Variants in SPIDR observed in about 807,000 individuals in gnomAD.
SPIDR encodes DNA repair-scaffolding protein.
SPIDR carries 93 observed loss-of-function variants against 104.6 expected under a neutral mutation model. That is an observed-to-expected ratio of 0.89 (90% CI 0.75 to 1.06). The LOEUF is 1.06. Ranked by LOEUF, SPIDR falls within the 50% of genes least tolerant of loss-of-function variation. SPIDR has a pLI of 0.00. For synonymous variants in SPIDR, 431 were observed against 416.9 expected (o/e 1.03, Z -0.41); for missense variants, 1,154 against 1,111.2 (o/e 1.04, Z -0.55).
At chr8:47,293,033 T>G (rs2040209722) in intron 4 of SPIDR, among the ~76,000 whole-genome samples, 1 of 152,110 alleles carries the variant, frequency 6.6e-6, no homozygotes, top group Admixed American at 6.6e-5. Flanking sequence ...CCTGCCTGGC[T>G]TCCGTGACTA....
intron 10 of SPIDR, 196 bp from the exon 11 acceptor site, chr8:47,673,605 T>A: frequency 1.5e-6 from 1 of 687,970 alleles, no homozygotes; most frequent in Non-Finnish European, 2.4e-6. Context: ...TTTTTAATCC[T>A]GACTCACCCA....
intron 7 of SPIDR, among the ~76,000 whole-genome samples, chr8:47,423,454 T>C (rs2065904592): frequency 6.6e-6 from 1 of 151,386 alleles, no homozygotes; most frequent in South Asian, 2.1e-4. Context: ...ACAGAAAAAC[T>C]AGCCAGGTGT....
At chr8:47,268,408 T>C (rs2034539287) in intron 1 of SPIDR, among the ~76,000 whole-genome samples, 1 of 152,190 alleles carries the variant, frequency 6.6e-6, no homozygotes, top group South Asian at 2.1e-4. Flanking sequence ...ATAGACAAAT[T>C]GGAGAGTATT....
chr8:47,355,271 T>TAAAAAAAAA lies in SPIDR; in HGVS notation c.526-41092_526-41084dup, dbSNP rs34902790. Among the ~76,000 whole-genome samples, 187 of 116,530 alleles carry TAAAAAAAAA rather than the reference T, an allele frequency of 1.6e-3. 1 individual carries two copies. Among genetic ancestry groups the TAAAAAAAAA allele is most frequent in the African/African-American group, 6.0e-3 (182 of 30,178 alleles). The allele number at this position is 116,530 out of a possible 152,430, so 76.4% of individuals were successfully genotyped here. On this transcript the variant is annotated intron_variant, in intron 5 of 19. Transcript: ENST00000297423. Reference sequence around the variant, plus strand: ...ATGCCTGGCCGATGAAGGTTTTTTGTAAAAAAAAAAAAAAAAAAAAATACT... The same window carrying TAAAAAAAAA: ...ATGCCTGGCCGATGAAGGTTTTTTGTAAAAAAAAAAAAAAAAAAAAAAAAAAAAAATACT...
intron 10 of SPIDR, among the ~76,000 whole-genome samples, chr8:47,639,178 G>A (rs1448976682): frequency 6.6e-6 from 1 of 152,178 alleles, no homozygotes; most frequent in Non-Finnish European, 1.5e-5. Context: ...TTGGTGAAAT[G>A]ACACTAACAG....
chr8:47,469,847 A>C (rs899299594), intron 8 of SPIDR, among the ~76,000 whole-genome samples: 3 of 152,232 alleles, frequency 2.0e-5, no homozygotes, highest in Non-Finnish European at 4.4e-5. Flanking sequence ...AAACCTGTAC[A>C]TGTACCCCTG....
At chr8:47,422,693 G>T (rs1585441718) in intron 7 of SPIDR, among the ~76,000 whole-genome samples, 1 of 152,294 alleles carries the variant, frequency 6.6e-6, no homozygotes, top group Middle Eastern at 3.4e-3. Context: ...TATGTCTTTT[G>T]TGTCGCTCAC....
chr8:47,495,661 A>G (rs1317349025), intron 8 of SPIDR, among the ~76,000 whole-genome samples: 2 of 152,180 alleles, frequency 1.3e-5, no homozygotes, highest in Non-Finnish European at 2.9e-5. Context: ...CAAGACTTTC[A>G]TAGTTTTAGC....
At chr8:47,372,461 C>G (rs2058149196) in intron 5 of SPIDR, among the ~76,000 whole-genome samples, 1 of 151,580 alleles carries the variant, frequency 6.6e-6, no homozygotes, top group Non-Finnish European at 1.5e-5. Flanking sequence ...CCCATCTCTA[C>G]TAAAAATACA....
chr8:47,357,820 G>A (rs2054861548), intron 5 of SPIDR: 1 of 982,360 alleles, frequency 1.0e-6, no homozygotes, highest in Non-Finnish European at 1.2e-6. Flanking sequence ...AAGGAGAAAG[G>A]AAAGGAGATC....
chr8:47,393,926 C>CT (rs1433602484), intron 5 of SPIDR, among the ~76,000 whole-genome samples: 1 of 151,020 alleles, frequency 6.6e-6, no homozygotes, highest in Non-Finnish European at 1.5e-5. Flanking sequence ...CCCCTGCTTC[C>CT]TTTCTTCTCA....
intron 5 of SPIDR, among the ~76,000 whole-genome samples, chr8:47,308,165 G>A (rs1563555556): frequency 6.6e-6 from 1 of 151,628 alleles, no homozygotes; most frequent in South Asian, 2.1e-4. Context: ...GGGTTCAGCC[G>A]ATTCTCCTGC....
rs753245948 is a variant in SPIDR at position 47,701,784 on chromosome 8, C to A, written c.1837C>A (p.Gln613Lys). Residue 613 changes from glutamine to lysine, a missense_variant, in exon 13 of 20, where the codon CAA becomes AAA. By Grantham distance (53) the Gln-to-Lys change is moderately conservative. Transcript: ENST00000297423. ...CCTCACAGCTCATCCAAATCTGGGA[C>A]AAATTGATATAATTGACGAAGACCC... ...YILTAHPNLG[Q>K]IDIIDEDPIY... is the part of the protein sequence containing the mutation. The A allele has an allele frequency of 3.1e-6, 5 of 1,614,012 alleles. No homozygotes were observed. The Admixed American group carries it at 5.0e-5, about 16-fold the overall frequency.
chr8:47,487,571 C>T (rs1296418045), intron 8 of SPIDR, among the ~76,000 whole-genome samples: 4 of 152,192 alleles, frequency 2.6e-5, no homozygotes, highest in East Asian at 1.9e-4. Flanking sequence ...AGCACCACTT[C>T]GTACTTACTC....
At chr8:47,378,227 A>G (rs2058898878) in intron 5 of SPIDR, among the ~76,000 whole-genome samples, 3 of 152,212 alleles carry the variant, frequency 2.0e-5, no homozygotes, top group Admixed American at 1.3e-4. Context: ...GAGATGACTT[A>G]TGTCTATAAT....
chr8:47,486,443 G>A (rs529486192), intron 8 of SPIDR, among the ~76,000 whole-genome samples: 1 of 152,308 alleles, frequency 6.6e-6, no homozygotes, highest in South Asian at 2.1e-4. Flanking sequence ...ATATTATCCA[G>A]GAGAACTTCC....
At chr8:47,639,115 T>G (rs2068428833) in intron 10 of SPIDR, among the ~76,000 whole-genome samples, 1 of 152,204 alleles carries the variant, frequency 6.6e-6, no homozygotes. Flanking sequence ...AGAATTTCTG[T>G]TTTTATAAAA....
chr8:47,274,986 G>A (rs908896434), intron 1 of SPIDR, among the ~76,000 whole-genome samples: 8 of 151,498 alleles, frequency 5.3e-5, no homozygotes, highest in East Asian at 3.9e-4. Flanking sequence ...TAGGCCCAGC[G>A]CGGTGGCTCA....
At chr8:47,357,798 T>G in intron 5 of SPIDR, 4 of 944,644 alleles carry the variant, frequency 4.2e-6, no homozygotes, top group Non-Finnish European at 5.0e-6. Flanking sequence ...GGGAAGGAAA[T>G]GGAGAGGATA....
Sources: allele counts gnomAD v4.1 joint callset (sites outside exome capture counted in the v4.1 genomes callset), GRCh38; gene constraint gnomAD v4.1.1; transcripts MANE v1.5; gene names NCBI Gene and HGNC (gene_info 2026-07-23, HGNC 2026-07-21).